The following NPSR1 variants were observed in gnomAD, a reference collection of about 807,000 sequenced individuals.
NPSR1 encodes the protein neuropeptide S receptor.
In NPSR1, 48 loss-of-function variants were observed where a neutral mutation model predicts 46.9. The ratio of observed to expected loss-of-function variants is 1.02; its 90% CI spans 0.81 to 1.30. NPSR1 has a LOEUF of 1.30. NPSR1 is among the 50% of genes most tolerant of loss of function. NPSR1 has a pLI of 0.00. For synonymous variants in NPSR1, 176 were observed against 168.1 expected (o/e 1.05, Z -0.36); for missense variants, 450 against 449.5 (o/e 1.00, Z -0.01).
chr7:34,751,531 G>T, intron 2 of NPSR1: 1 of 1,548,308 alleles, frequency 6.5e-7, no homozygotes, highest in Non-Finnish European at 8.9e-7. Flanking sequence ...CTCCATAGTG[G>T]TCTCGAAACT....
At chr7:34,754,654 C>T (rs960295407) in intron 2 of NPSR1, among the ~76,000 whole-genome samples, 3 of 152,060 alleles carry the variant, frequency 2.0e-5, no homozygotes, top group Admixed American at 1.3e-4. Context: ...CATAACAATA[C>T]AGTTCACCCA....
intron 2 of NPSR1, among the ~76,000 whole-genome samples, chr7:34,712,724 T>C (rs981683138): frequency 6.6e-6 from 1 of 152,152 alleles, no homozygotes; most frequent in African/African-American, 2.4e-5. Flanking sequence ...AAATAAAAGT[T>C]GGGGGTTTAA....
At chr7:34,873,934 T>C in intron 8 of NPSR1, among the ~76,000 whole-genome samples, 1 of 151,638 alleles carries the variant, frequency 6.6e-6, no homozygotes, top group East Asian at 1.9e-4. Context: ...AGGGGCCTTA[T>C]TGTCAGCCCC....
chr7:34,850,088 G>A (rs2128765609), downstream of NPSR1: 1 of 680,580 alleles, frequency 1.5e-6, no homozygotes, highest in South Asian at 6.4e-5. Flanking sequence ...GTTTTGGATT[G>A]GAGGTTCAGT....
chr7:34,765,639 G>A (rs1322371007), intron 2 of NPSR1, among the ~76,000 whole-genome samples: 2 of 152,132 alleles, frequency 1.3e-5, no homozygotes, highest in African/African-American at 4.8e-5. Flanking sequence ...ATAGCACTAT[G>A]TATATTCACA....
chr7:34,835,165 T>C (rs1386414932), intron 6 of NPSR1, among the ~76,000 whole-genome samples: 2 of 152,214 alleles, frequency 1.3e-5, no homozygotes, highest in Admixed American at 6.5e-5. Context: ...CTTCTAGTTT[T>C]CTGTTGCTAT....
intron 4 of NPSR1, among the ~76,000 whole-genome samples, chr7:34,823,149 G>C (rs1399433460): frequency 2.0e-5 from 3 of 151,990 alleles, no homozygotes; most frequent in African/African-American, 7.2e-5. Context: ...CCAGCACTTC[G>C]GGAGGCTGAG....
At chr7:34,851,152 ATCC>A (rs570077595), downstream of NPSR1, among the ~76,000 whole-genome samples, 443 of 150,160 alleles carry the variant, frequency 3.0e-3, 2 homozygotes, top group African/African-American at 0.01. Flanking sequence ...CCTTGGCAAA[ATCC>A]TCCTTCCCAG....
chr7:34,842,191 C>G (rs191878612), intron 6 of NPSR1, among the ~76,000 whole-genome samples: 1 of 152,222 alleles, frequency 6.6e-6, no homozygotes, highest in African/African-American at 2.4e-5. Flanking sequence ...TGTTCTACAC[C>G]TCAATTTTTA....
chr7:34,843,285 T>A (rs558064880), intron 6 of NPSR1, among the ~76,000 whole-genome samples: 139 of 152,308 alleles, frequency 9.1e-4, no homozygotes, highest in African/African-American at 3.3e-3. Flanking sequence ...CACTTGCAAC[T>A]GGCAAAGGTC....
intron 2 of NPSR1, among the ~76,000 whole-genome samples, chr7:34,708,108 G>A (rs1675905869): frequency 6.6e-6 from 1 of 152,044 alleles, no homozygotes; most frequent in East Asian, 1.9e-4. Context: ...CTCTAAGCAT[G>A]TCACATTGTG....
At chr7:34,678,639 A>T (rs1236711903) in intron 1 of NPSR1, among the ~76,000 whole-genome samples, 2 of 151,994 alleles carry the variant, frequency 1.3e-5, no homozygotes, top group African/African-American at 4.8e-5. Flanking sequence ...ATCTTGGCTA[A>T]CACAGTGAAA....
chr7:34,772,992 A>G (rs1294948908), intron 2 of NPSR1, among the ~76,000 whole-genome samples: 1 of 152,054 alleles, frequency 6.6e-6, no homozygotes, highest in Non-Finnish European at 1.5e-5. Flanking sequence ...TACCTTTGCT[A>G]TGTTCCCTGG....
intron 2 of NPSR1, among the ~76,000 whole-genome samples, chr7:34,772,206 C>T (rs1171123013): frequency 4.6e-5 from 7 of 152,190 alleles, no homozygotes; most frequent in South Asian, 2.1e-4. Flanking sequence ...ATTAGTAAAC[C>T]TCATTTTCCA....
chr7:34,797,682 G>T (rs1379958602), intron 3 of NPSR1, among the ~76,000 whole-genome samples: 1 of 152,078 alleles, frequency 6.6e-6, no homozygotes, highest in African/African-American at 2.4e-5. Context: ...GAAGCTCAGA[G>T]AACACCAAAG....
chr7:34,794,030 A>C (rs895353661), intron 3 of NPSR1, among the ~76,000 whole-genome samples: 1 of 152,106 alleles, frequency 6.6e-6, no homozygotes, highest in African/African-American at 2.4e-5. Context: ...GATCTCATAG[A>C]AGCTGAGAGT....
chr7:34,710,141 A>G (rs961731795), intron 2 of NPSR1, among the ~76,000 whole-genome samples: 14 of 152,318 alleles, frequency 9.2e-5, no homozygotes, highest in African/African-American at 3.1e-4. Flanking sequence ...TCAATCCCTG[A>G]TCCCTCTTCA....
At chr7:34,796,860 C>G (rs751455419) in intron 3 of NPSR1, among the ~76,000 whole-genome samples, 32 of 152,178 alleles carry the variant, frequency 2.1e-4, no homozygotes, top group Non-Finnish European at 4.1e-4. Flanking sequence ...TATATTCCCA[C>G]AAACACCTGC....
chr7:34,843,674 TG>T (rs1790647303), intron 6 of NPSR1, among the ~76,000 whole-genome samples: 1 of 152,264 alleles, frequency 6.6e-6, no homozygotes, highest in African/African-American at 2.4e-5. Flanking sequence ...CTTGTGGGGT[TG>T]GACTAGATCA....
Sources: allele counts gnomAD v4.1 joint callset (sites outside exome capture counted in the v4.1 genomes callset), GRCh38; gene constraint gnomAD v4.1.1; transcripts MANE v1.5; gene names NCBI Gene and HGNC (gene_info 2026-07-23, HGNC 2026-07-21).